SYT1: variants seen among roughly 807,000 people sequenced by gnomAD.
The protein encoded by SYT1 is synaptotagmin 1, also known as synaptotagmin-1.
Under a neutral mutation model 44.8 loss-of-function variants are expected in SYT1, and 8 were observed. The observed-to-expected ratio is 0.18, with a 90% CI of 0.10 to 0.32. The LOEUF (loss-of-function observed/expected upper bound fraction) is 0.32. SYT1 is among the 10% of genes least tolerant of loss of function. The probability of loss-of-function intolerance (pLI) is 1.00; values close to 1 mark genes in which losing one functional copy is unlikely to be tolerated. For missense variants in SYT1, 286 were observed against 509.3 expected, an observed-to-expected ratio of 0.56 and a Z score of 4.22; for synonymous variants, 154 against 188.8, an observed-to-expected ratio of 0.82 and a Z score of 1.51.
intron 8 of SYT1, among the ~76,000 whole-genome samples, chr12:79,350,413 C>T (rs1227697297): frequency 3.3e-5 from 5 of 151,924 alleles, no homozygotes; most frequent in African/African-American, 9.7e-5. Flanking sequence ...CCACCATGCC[C>T]GGCTAATTTT....
intron 1 of SYT1, among the ~76,000 whole-genome samples, chr12:78,871,062 T>A (rs182489103): frequency 5.3e-5 from 8 of 152,190 alleles, no homozygotes; most frequent in African/African-American, 1.9e-4. Context: ...AGTATAGTAT[T>A]TTTTTAACTT....
chr12:79,064,928 G>GAAAGAAAC (rs889914073), intron 3 of SYT1, among the ~76,000 whole-genome samples: 1 of 34,642 alleles, frequency 2.9e-5, no homozygotes, highest in African/African-American at 1.2e-4. Context: ...AAAATAGAGA[G>GAAAGAAAC]AAAGAAAGAA....
chr12:79,139,760 C>T (rs1869440649), intron 3 of SYT1, among the ~76,000 whole-genome samples: 1 of 152,098 alleles, frequency 6.6e-6, no homozygotes, highest in Non-Finnish European at 1.5e-5. Context: ...ACATTTTTGT[C>T]TTTGATTTAC....
chr12:79,165,312 T>A (rs371827921), intron 3 of SYT1, among the ~76,000 whole-genome samples: 68 of 152,140 alleles, frequency 4.5e-4, no homozygotes, highest in African/African-American at 6.5e-4. Context: ...GGTATTTAAA[T>A]AGCCAAATTT....
At chr12:78,905,806 G>A (rs1233194473) in intron 1 of SYT1, among the ~76,000 whole-genome samples, 1 of 151,598 alleles carries the variant, frequency 6.6e-6, no homozygotes, top group Non-Finnish European at 1.5e-5. Flanking sequence ...CACATTACAA[G>A]GCTATTAAAA....
At chr12:79,139,694 T>C (rs1869436293) in intron 3 of SYT1, among the ~76,000 whole-genome samples, 1 of 152,206 alleles carries the variant, frequency 6.6e-6, no homozygotes, top group African/African-American at 2.4e-5. Flanking sequence ...AATCATAGAC[T>C]AAGTTGGAGT....
chr12:79,200,292 CCCA>C (rs1343227987), intron 3 of SYT1, among the ~76,000 whole-genome samples: 2 of 152,048 alleles, frequency 1.3e-5, no homozygotes, highest in East Asian at 1.9e-4. Flanking sequence ...AGCCATTTTC[CCCA>C]GCTGGCCCTT....
intron 4 of SYT1, among the ~76,000 whole-genome samples, chr12:79,271,415 G>T (rs530898871): frequency 2.2e-4 from 33 of 152,070 alleles, no homozygotes; most frequent in Non-Finnish European, 4.6e-4. Flanking sequence ...GTATACAGGA[G>T]CCTATTAGGC....
chr12:79,394,812 G>A (rs1461342569), intron 9 of SYT1, among the ~76,000 whole-genome samples: 3 of 152,098 alleles, frequency 2.0e-5, no homozygotes, highest in African/African-American at 7.2e-5. Flanking sequence ...CATCTGGACT[G>A]TAAATTTAAT....
At chr12:78,939,595 C>T (rs924179913) in intron 1 of SYT1, among the ~76,000 whole-genome samples, 4 of 152,186 alleles carry the variant, frequency 2.6e-5, no homozygotes, top group Middle Eastern at 3.4e-3. Flanking sequence ...TCCCTTGTCT[C>T]CAGGAGAAAC....
intron 8 of SYT1, among the ~76,000 whole-genome samples, chr12:79,322,040 C>T (rs1320554270): frequency 2.0e-5 from 3 of 152,072 alleles, no homozygotes; most frequent in African/African-American, 4.8e-5. Flanking sequence ...AGTGACCCAC[C>T]GTTTCCCACC....
chr12:79,433,010 T>C lies in SYT1; in HGVS notation c.929-11063T>C, dbSNP rs145236985. The stretch of plus-strand genomic sequence containing the variant: ...CCCCCTAGGAAATATACTCAAAAAC[T>C]TTGAAAAGTACTAGAAATAGTTCAA... On this transcript the variant is annotated intron_variant, in intron 9 of 10. Transcript: ENST00000261205. Among the ~76,000 whole-genome samples the C allele has an allele frequency of 8.3e-3, 1,260 of 152,228 alleles. 12 individuals carry two copies. Among genetic ancestry groups the C allele is most frequent in the African/African-American group, 0.027 (1,130 of 41,542 alleles).
At chr12:79,333,148 T>C (rs1431797435) in intron 8 of SYT1, among the ~76,000 whole-genome samples, 2 of 152,176 alleles carry the variant, frequency 1.3e-5, no homozygotes, top group Admixed American at 6.5e-5. Flanking sequence ...CAAGATACCA[T>C]AAACTGGGTG....
chr12:79,196,188 A>T (rs894774410), intron 3 of SYT1, among the ~76,000 whole-genome samples: 1 of 149,320 alleles, frequency 6.7e-6, no homozygotes, highest in African/African-American at 2.5e-5. Flanking sequence ...GTTGTTGTTG[A>T]GATGGAACCT....
intron 8 of SYT1, among the ~76,000 whole-genome samples, chr12:79,336,112 A>G (rs1366141524): frequency 1.3e-5 from 2 of 152,164 alleles, no homozygotes; most frequent in Non-Finnish European, 2.9e-5. Context: ...ACAGCCTACA[A>G]AATATATCCA....
chr12:79,264,369 C>T (rs7299888), intron 4 of SYT1, among the ~76,000 whole-genome samples: 1,724 of 151,758 alleles, frequency 0.011, 33 homozygotes, highest in African/African-American at 0.038. Context: ...TTAGCAGAGA[C>T]GGTAAACTAT....
intron 2 of SYT1, among the ~76,000 whole-genome samples, chr12:79,000,972 T>C (rs948420154): frequency 1.3e-5 from 2 of 152,160 alleles, no homozygotes; most frequent in Non-Finnish European, 1.5e-5. Context: ...AACAGAAAGT[T>C]TCAAATACAT....
At chr12:78,867,335 G>A (rs1873597497) in intron 1 of SYT1, among the ~76,000 whole-genome samples, 1 of 151,986 alleles carries the variant, frequency 6.6e-6, no homozygotes, top group Admixed American at 6.6e-5. Context: ...CTTTACAAAT[G>A]TTAATTATAG....
intron 9 of SYT1, among the ~76,000 whole-genome samples, chr12:79,406,722 T>C (rs967616920): frequency 3.3e-5 from 5 of 152,120 alleles, no homozygotes; most frequent in African/African-American, 9.7e-5. Flanking sequence ...AGTGGTGTAA[T>C]CTTGGGGAAG....
Sources: allele counts gnomAD v4.1 joint callset (sites outside exome capture counted in the v4.1 genomes callset), GRCh38; gene constraint gnomAD v4.1.1; transcripts MANE v1.5; gene names NCBI Gene and HGNC (gene_info 2026-07-23, HGNC 2026-07-21).